Variants in XPO7 observed in about 807,000 individuals in gnomAD.
The protein encoded by XPO7 is exportin 7, also known as exportin-7.
A neutral mutation model predicts 144.3 loss-of-function variants in XPO7; 21 were observed. The observed-to-expected ratio is 0.15, with a 90% CI of 0.10 to 0.21. XPO7 has a LOEUF of 0.21. XPO7 is among the 10% of genes least tolerant of loss of function. The probability of loss-of-function intolerance (pLI) is 1.00; values close to 1 mark genes in which losing one functional copy is unlikely to be tolerated. For synonymous variants in XPO7, 580 were observed against 499.6 expected, an observed-to-expected ratio of 1.16 and a Z score of -2.15; for missense variants, 808 against 1,325.8, an observed-to-expected ratio of 0.61 and a Z score of 6.06.
chr8:21,948,331 G>C (rs1811258418), intron 1 of XPO7, among the ~76,000 whole-genome samples: 1 of 152,172 alleles, frequency 6.6e-6, no homozygotes, highest in South Asian at 2.1e-4. Flanking sequence ...TAGGTGTTTA[G>C]ATACACAAAG....
chr8:21,938,153 A>G (rs749847673), intron 1 of XPO7, among the ~76,000 whole-genome samples: 7 of 152,214 alleles, frequency 4.6e-5, no homozygotes, highest in Non-Finnish European at 7.3e-5. Context: ...AACTATAAAC[A>G]GATTTACAGA....
chr8:21,999,705 T>G, intron 24 of XPO7, 31 bp downstream of exon 24: 2 of 1,613,058 alleles, frequency 1.2e-6, no homozygotes, highest in Non-Finnish European at 1.7e-6. Context: ...GGTGAGTTGG[T>G]GGGTTTGTTT....
chr8:21,990,665 C>A (rs1360966661), intron 17 of XPO7, 146 bp from the exon 18 acceptor site: 5 of 839,196 alleles, frequency 6.0e-6, no homozygotes, highest in Non-Finnish European at 9.2e-6. Context: ...GGTAGCCTGC[C>A]TTCAAAAAAA....
chr8:21,953,753 G>C (rs578122283), intron 1 of XPO7, among the ~76,000 whole-genome samples: 1 of 152,310 alleles, frequency 6.6e-6, no homozygotes, highest in Admixed American at 6.5e-5. Flanking sequence ...GCAGTTTCTT[G>C]ATGATACATG....
intron 1 of XPO7, among the ~76,000 whole-genome samples, chr8:21,934,864 A>G (rs2117256261): frequency 6.6e-6 from 1 of 152,306 alleles, no homozygotes; most frequent in South Asian, 2.1e-4. Flanking sequence ...CCTTGTGTAA[A>G]CATCTTGACT....
rs564333413 is a variant in XPO7, at chr8:21,919,874, G to A, written c.18+86G>A. 2.7e-3 allele frequency: 817 copies of A among 302,252 alleles called. 7 individuals are homozygous for A. Among genetic ancestry groups the A allele is most frequent in the African/African-American group, 0.017 (766 of 44,834 alleles). The allele number at this position is 302,252 out of a possible 1,614,324, so 18.7% of individuals were successfully genotyped here. A position where few individuals can be genotyped will look rare whatever the true frequency, so the allele number is the denominator to read the frequency against. Reference sequence around the variant, plus strand: ...GCACACGGCCCACAGGGCGCCAGCCGGCTCGGGACTCGGCAGGCCCGCGCC... The same window carrying A: ...GCACACGGCCCACAGGGCGCCAGCCAGCTCGGGACTCGGCAGGCCCGCGCC... On this transcript the variant is annotated intron_variant, in intron 1 of 27. Coordinates refer to ENST00000252512, the MANE Select transcript of XPO7 (RefSeq NM_015024.5).
At chr8:21,925,737 T>A (rs1021361559) in intron 1 of XPO7, among the ~76,000 whole-genome samples, 3 of 152,202 alleles carry the variant, frequency 2.0e-5, no homozygotes, top group African/African-American at 4.8e-5. Context: ...CTTCAAGCAT[T>A]CTGGATGGGA....
At chr8:21,978,517 C>T (rs1412356250) in intron 8 of XPO7, among the ~76,000 whole-genome samples, 6 of 152,126 alleles carry the variant, frequency 3.9e-5, no homozygotes, top group Non-Finnish European at 8.8e-5. Flanking sequence ...TAATGTAGAC[C>T]TTTGTGTTCG....
chr8:21,937,750 TA>T (rs1465089620), intron 1 of XPO7, among the ~76,000 whole-genome samples: 3 of 152,180 alleles, frequency 2.0e-5, no homozygotes, highest in African/African-American at 7.2e-5. Flanking sequence ...CGATTCTTGG[TA>T]TCTTTGTTCC....
rs1811878982 is a variant in XPO7, at chr8:21,966,246, A to ACT, written c.19-611_19-610insCT. 4 of 776,084 alleles carry ACT rather than the reference A, an allele frequency of 5.2e-6. No homozygotes were observed. The South Asian group carries it at 5.5e-5, about 11-fold the overall frequency. 48.1% of individuals were successfully genotyped at this position (776,084 alleles called of 1,614,324 possible). ...GCTTTCATTTTAAATTTGGAACCAA[A>ACT]GTAAGAGTTTAAAGTGCAACAGAAG... On this transcript the variant is annotated intron_variant, in intron 1 of 27. Transcript: ENST00000252512.
At chr8:21,965,499 A>G (rs1383995365) in intron 1 of XPO7, among the ~76,000 whole-genome samples, 1 of 152,232 alleles carries the variant, frequency 6.6e-6, no homozygotes, top group East Asian at 1.9e-4. Flanking sequence ...GAAGTCAGAA[A>G]CAAGTTAAAC....
chr8:21,935,846 C>G (rs1297865254), intron 1 of XPO7, among the ~76,000 whole-genome samples: 1 of 152,072 alleles, frequency 6.6e-6, no homozygotes, highest in Non-Finnish European at 1.5e-5. Context: ...TTCTCTCTCT[C>G]TCAATCTCTC....
Position 21,995,474 on chromosome 8 carries a change from T to C in XPO7, c.2238-18T>C. On this transcript the variant is annotated intron_variant, in intron 20 of 27. Coordinates refer to ENST00000252512, the MANE Select transcript of XPO7 (RefSeq NM_015024.5). ...CCTTTCTGGAATCAGAAATCTTTCC[T>C]TAGCTTCTCATTTACAGATATCCAT... is the stretch of plus-strand genomic sequence containing the variant. 6.3e-7 allele frequency: 1 copy of C among 1,582,936 alleles called. No homozygotes were observed. Among genetic ancestry groups the C allele is most frequent in the Non-Finnish European group, 8.6e-7 (1 of 1,161,220 alleles).
intron 1 of XPO7, among the ~76,000 whole-genome samples, chr8:21,960,357 C>A (rs986340902): frequency 6.6e-6 from 1 of 152,164 alleles, no homozygotes; most frequent in Non-Finnish European, 1.5e-5. Context: ...TCCTCTGCAC[C>A]GTTAGAGACT....
chr8:22,003,599 G>C (rs989638744), intron 26 of XPO7, among the ~76,000 whole-genome samples: 1 of 152,148 alleles, frequency 6.6e-6, no homozygotes, highest in African/African-American at 2.4e-5. Context: ...GGTATCAGAG[G>C]ACCTAAGACC....
chr8:21,944,780 G>C (rs1018746410), intron 1 of XPO7, among the ~76,000 whole-genome samples: 24 of 151,948 alleles, frequency 1.6e-4, no homozygotes, highest in African/African-American at 5.6e-4. Context: ...TGTGTCTCCG[G>C]GTACTTGAGA....
At chr8:21,938,862 A>C (rs937125665) in intron 1 of XPO7, among the ~76,000 whole-genome samples, 1 of 151,984 alleles carries the variant, frequency 6.6e-6, no homozygotes. Context: ...ATGATTCTTG[A>C]GTTTTTATGT....
chr8:21,985,552 C>A, intron 12 of XPO7, 34 bp from the exon 13 acceptor site: 1 of 1,583,012 alleles, frequency 6.3e-7, no homozygotes, highest in Non-Finnish European at 8.7e-7. Flanking sequence ...GAAACTATCA[C>A]TGGAGGTGAC....
At chr8:21,961,165 G>A (rs935363631) in intron 1 of XPO7, among the ~76,000 whole-genome samples, 1 of 151,220 alleles carries the variant, frequency 6.6e-6, no homozygotes, top group African/African-American at 2.4e-5. Flanking sequence ...CATCTCCATT[G>A]AGTGTGTATC....
Sources: gnomAD v4.1 joint callset for allele counts (sites outside exome capture counted in the v4.1 genomes callset) on GRCh38, gnomAD v4.1.1 for gene constraint, MANE v1.5 for transcripts, NCBI Gene and HGNC (gene_info 2026-07-23, HGNC 2026-07-21) for gene names.